The following ADCY3 variants were observed in gnomAD, a reference collection of about 807,000 sequenced individuals.
The protein encoded by ADCY3 is adenylate cyclase 3.
A neutral mutation model predicts 119.4 loss-of-function variants in ADCY3; 70 were observed. That is an observed-to-expected ratio of 0.59 (90% CI 0.48 to 0.72). The LOEUF (loss-of-function observed/expected upper bound fraction) is 0.72, where lower values mean the gene tolerates loss of function less well. Ranked by LOEUF, ADCY3 falls within the 30% of genes least tolerant of loss-of-function variation. The probability of loss-of-function intolerance (pLI) is 0.00; values close to 1 mark genes in which losing one functional copy is unlikely to be tolerated. For synonymous variants in ADCY3, 672 were observed against 621.4 expected (o/e 1.08, Z -1.21); for missense variants, 1,238 against 1,541.6 (o/e 0.80, Z 3.30).
chr2:24,909,178 G>A (rs1378723501), intron 2 of ADCY3, among the ~76,000 whole-genome samples: 8 of 152,042 alleles, frequency 5.3e-5, no homozygotes, highest in African/African-American at 1.9e-4. Context: ...CATCCCCTAC[G>A]TCCGTCCTGG....
rs749363565 is a variant in ADCY3 at position 24,827,927 on chromosome 2, C to T, written c.2407G>A (p.Asp803Asn). 5 of 1,614,148 alleles carry T rather than the reference C, an allele frequency of 3.1e-6. No individual in the cohort carries two copies. In the Admixed American group the frequency reaches 5.0e-5, roughly 16 times the overall value. The part of the protein sequence containing the change: ...YAWRPVFDEY[D>N]HKRFREHDLP... ...TCGTGCTCCCGAAAACGCTTGTGGT[C>T]GTATTCATCAAAGACGGGACGCCAG... The change falls in exon 14 of 22, where the codon GAC (aspartate) becomes AAC (asparagine). Residue 803 changes from aspartate (D) to asparagine (N), a missense_variant. By Grantham distance (23) the Asp-to-Asn change is conservative. This residue lies in a region of ADCY3 where 499 missense variants were observed against 571.0 expected (regional missense o/e 0.87). Transcript: ENST00000679454.
chr2:24,869,865 TGGCA>T (rs561836735), intron 3 of ADCY3, among the ~76,000 whole-genome samples: 220 of 152,150 alleles, frequency 1.4e-3, no homozygotes, highest in African/African-American at 5.0e-3. Context: ...GGAAGGAAAA[TGGCA>T]GGCAGGTTTC....
intron 3 of ADCY3, among the ~76,000 whole-genome samples, chr2:24,862,591 A>G (rs912586855): frequency 1.3e-5 from 2 of 151,934 alleles, no homozygotes; most frequent in African/African-American, 4.8e-5. Context: ...ACAAATAAAA[A>G]TCAAGCTCGG....
At chr2:24,868,939 G>C (rs1470868081) in intron 3 of ADCY3, among the ~76,000 whole-genome samples, 2 of 151,490 alleles carry the variant, frequency 1.3e-5, no homozygotes, top group Non-Finnish European at 2.9e-5. Context: ...CTGGAGAATG[G>C]CGTGAACCCG....
chr2:24,867,415 A>C (rs1463343178), intron 3 of ADCY3, among the ~76,000 whole-genome samples: 2 of 152,190 alleles, frequency 1.3e-5, no homozygotes, highest in African/African-American at 2.4e-5. Flanking sequence ...CATGAGGGTT[A>C]AGGCTCTTTT....
intron 3 of ADCY3, among the ~76,000 whole-genome samples, chr2:24,859,330 C>T (rs1198975076): frequency 6.6e-6 from 1 of 152,206 alleles, no homozygotes; most frequent in Non-Finnish European, 1.5e-5. Flanking sequence ...CCACTCGACA[C>T]CAGCTTCGTC....
At chr2:24,862,576 TAAA>T (rs761402393) in intron 3 of ADCY3, among the ~76,000 whole-genome samples, 14 of 151,286 alleles carry the variant, frequency 9.3e-5, no homozygotes, top group Non-Finnish European at 4.4e-5. Context: ...TTAAAAAAAA[TAAA>T]AACAAATAAA....
rs1669508726 is a variant in ADCY3, at chr2:24,831,542, A to G, written c.2055+120T>C. The G allele has an allele frequency of 3.7e-6, 3 of 806,560 alleles. No individual in the cohort carries two copies. In the East Asian group the frequency reaches 8.0e-5, roughly 22 times the overall value. 50.0% of individuals were successfully genotyped at this position (806,560 alleles called of 1,614,324 possible). On this transcript the variant is annotated intron_variant, in intron 12 of 21. Transcript: ENST00000679454. ...GATGGGCAAGTGCCTGGACCGTCCT[A>G]ACAGAGGAGTGTCTGCCTGTCAGAT... is the stretch of plus-strand genomic sequence containing the variant.
chr2:24,821,593 G>A lies in ADCY3; in HGVS notation c.3051C>T (p.Ala1017=), dbSNP rs77454507. ...TATCCTTCATGGCCAGCGCGAAGTC[G>A]GCCAGGTCAGCCAGGTGCTGCCAGC... ...RERWQHLADL[A]DFALAMKDTL... is the part of the protein sequence containing the mutation. The change falls in exon 20 of 22, where the codon GCC becomes GCT. Residue 1017 remains alanine (A), a synonymous_variant. Coordinates refer to ENST00000679454, the MANE Select transcript of ADCY3 (RefSeq NM_004036.5). The A allele has an allele frequency of 6.9e-5, 111 of 1,614,082 alleles. No homozygotes were observed. The highest frequency in any genetic ancestry group is 1.6e-4 in the Middle Eastern group (1 of 6,062).
At chr2:24,853,792 C>A (rs185452163) in intron 3 of ADCY3, among the ~76,000 whole-genome samples, 5 of 152,130 alleles carry the variant, frequency 3.3e-5, no homozygotes, top group Non-Finnish European at 2.9e-5. Flanking sequence ...GGCCAGTGAG[C>A]CTTATCTCTT....
chr2:24,844,101 G>A (rs999168139), intron 3 of ADCY3, among the ~76,000 whole-genome samples: 35 of 152,352 alleles, frequency 2.3e-4, no homozygotes, highest in African/African-American at 7.5e-4. Context: ...AGATACAAAT[G>A]AAACCGCAGC....
intron 3 of ADCY3, among the ~76,000 whole-genome samples, chr2:24,857,329 G>C (rs1012246187): frequency 1.3e-5 from 2 of 152,246 alleles, no homozygotes; most frequent in African/African-American, 4.8e-5. Flanking sequence ...ATTTGGCAAA[G>C]AGCAGGTACT....
intron 2 of ADCY3, among the ~76,000 whole-genome samples, chr2:24,917,895 C>A (rs1408784220): frequency 6.6e-6 from 1 of 152,220 alleles, no homozygotes; most frequent in East Asian, 1.9e-4. Context: ...CCCCATTTGA[C>A]AAAGGGGCAC....
At chr2:24,889,503 T>C (rs1325921601) in intron 2 of ADCY3, among the ~76,000 whole-genome samples, 1 of 152,212 alleles carries the variant, frequency 6.6e-6, no homozygotes, top group Non-Finnish European at 1.5e-5. Context: ...TGTTCCATTG[T>C]CTCAGCAGGC....
intron 3 of ADCY3, among the ~76,000 whole-genome samples, chr2:24,862,322 G>A (rs1285840238): frequency 2.6e-5 from 4 of 152,174 alleles, no homozygotes; most frequent in Admixed American, 6.5e-5. Context: ...TGAGGTGGGC[G>A]GATCACGAGG....
intron 3 of ADCY3, among the ~76,000 whole-genome samples, chr2:24,855,495 C>T (rs1329345603): frequency 6.6e-6 from 1 of 152,054 alleles, no homozygotes; most frequent in African/African-American, 2.4e-5. Context: ...CCCTGGGGGC[C>T]GAGGCCTGGG....
rs1380537532 is a variant in ADCY3, at chr2:24,872,986, C to G, written c.676-267G>C. ...CCACGAGGGGCAGGGTGCAGGCGTT[C>G]AAGCCTGGCTGAGGGGCTGTGGATC... On this transcript the variant is annotated intron_variant, in intron 2 of 21. Coordinates refer to ENST00000679454, the MANE Select transcript of ADCY3 (RefSeq NM_004036.5). The surrounding 1 kb of genome is among the most constrained non-coding windows in gnomAD (Gnocchi z 4.4). 2.0e-5 allele frequency among the ~76,000 whole-genome samples: 3 copies of G among 152,214 alleles called. No homozygotes were observed. The East Asian group carries it at 5.8e-4, about 29-fold the overall frequency.
intron 2 of ADCY3, among the ~76,000 whole-genome samples, chr2:24,903,149 CAAAAA>C (rs57777144): frequency 2.1e-5 from 2 of 95,478 alleles, no homozygotes; most frequent in Admixed American, 1.2e-4. Context: ...ACTCTATCTC[CAAAAA>C]AAAAAAAAAA....
chr2:24,860,679 C>A (rs1364941402), intron 3 of ADCY3, among the ~76,000 whole-genome samples: 1 of 152,224 alleles, frequency 6.6e-6, no homozygotes. Flanking sequence ...GAAAGGGATG[C>A]CTGTGCTTGA....
Sources: allele counts gnomAD v4.1 joint callset (sites outside exome capture counted in the v4.1 genomes callset), GRCh38; gene constraint gnomAD v4.1.1; regional missense constraint gnomAD v4.1.1; non-coding constraint Gnocchi (gnomAD v3.1); transcripts MANE v1.5; gene names NCBI Gene and HGNC (gene_info 2026-07-23, HGNC 2026-07-21).